The following ESCO2 variants were observed in gnomAD, a reference collection of about 807,000 sequenced individuals.
The protein encoded by ESCO2 is N-acetyltransferase ESCO2.
A neutral mutation model predicts 61.7 loss-of-function variants in ESCO2; 51 were observed. That is an observed-to-expected ratio of 0.83 (90% confidence interval 0.66 to 1.04). The LOEUF (loss-of-function observed/expected upper bound fraction) is 1.04, where lower values mean the gene tolerates loss of function less well. ESCO2 is among the 50% of genes least tolerant of loss of function. ESCO2 has a pLI of 0.00. For synonymous variants in ESCO2, 230 were observed against 238.2 expected (o/e 0.97, Z 0.32); for missense variants, 692 against 686.2 (o/e 1.01, Z -0.09).
At chr8:27,791,080 T>C (rs1050709534) in intron 7 of ESCO2, among the ~76,000 whole-genome samples, 1 of 152,068 alleles carries the variant, frequency 6.6e-6, no homozygotes, top group African/African-American at 2.4e-5. Context: ...ACTAATGCCA[T>C]TTTCTCTAGA....
downstream of ESCO2, chr8:27,810,403 G>A (rs1805651658): frequency 4.4e-6 from 7 of 1,605,052 alleles, no homozygotes. Flanking sequence ...ATTACTTTCT[G>A]GTATGATTCA....
intron 10 of ESCO2, 96 bp downstream of exon 10, chr8:27,799,812 T>C: frequency 7.2e-7 from 1 of 1,393,236 alleles, no homozygotes; most frequent in Non-Finnish European, 1.0e-6. Flanking sequence ...ATTGGTAAGA[T>C]ACTTCAGTAT....
At chr8:27,811,484 C>A, downstream of ESCO2, 1 of 369,044 alleles carries the variant, frequency 2.7e-6, no homozygotes, top group South Asian at 3.4e-5. Flanking sequence ...GAGCAGATCA[C>A]TTCTAGACCT....
chr8:27,778,349 G>A (rs1804846919), intron 3 of ESCO2: 1 of 151,940 alleles, frequency 6.6e-6, no homozygotes, highest in African/African-American at 2.4e-5. Flanking sequence ...TATCGAGTAT[G>A]GCCAAGTAGA....
At chr8:27,786,498 CA>C (rs1355525055) in intron 5 of ESCO2, among the ~76,000 whole-genome samples, 1 of 152,238 alleles carries the variant, frequency 6.6e-6, no homozygotes, top group African/African-American at 2.4e-5. Context: ...CAACAACCTG[CA>C]TTCATGATAA....
chr8:27,815,095 TGAAA>T (rs1480875813), downstream of ESCO2, among the ~76,000 whole-genome samples: 6 of 152,216 alleles, frequency 3.9e-5, no homozygotes, highest in Non-Finnish European at 7.3e-5. Flanking sequence ...GGCTGTTTAC[TGAAA>T]GAAATTTCTC....
At chr8:27,802,521 C>T (rs547717854) in intron 10 of ESCO2, among the ~76,000 whole-genome samples, 88 of 140,086 alleles carry the variant, frequency 6.3e-4, no homozygotes, top group South Asian at 1.3e-3. Context: ...GCAGGAGAAT[C>T]GCTTGAACCC....
downstream of ESCO2, among the ~76,000 whole-genome samples, chr8:27,808,751 C>T (rs1284332322): frequency 2.0e-5 from 3 of 149,858 alleles, no homozygotes; most frequent in Non-Finnish European, 4.4e-5. Flanking sequence ...AGGCAAATGT[C>T]CAAAAAGATA....
intron 9 of ESCO2, among the ~76,000 whole-genome samples, chr8:27,797,540 A>G (rs1338535015): frequency 6.6e-6 from 1 of 152,178 alleles, no homozygotes; most frequent in Non-Finnish European, 1.5e-5. Context: ...TGGCAAACAT[A>G]TTCTATTTAC....
In ESCO2 at chr8:27,789,080, A is replaced by G. The variant is rs1585401129; in HGVS notation, c.1263+102A>G. 9 of 1,430,360 alleles carry G rather than the reference A, an allele frequency of 6.3e-6. No individual in the cohort carries two copies. The East Asian group carries it at 1.4e-4, about 23-fold the overall frequency. 88.6% of individuals were successfully genotyped at this position (1,430,360 alleles called of 1,614,324 possible). On this transcript the variant is annotated intron_variant, in intron 7 of 10. Transcript: ENST00000305188. ...ACCCAGCCGGAAAAGTTAACTTTTA[A>G]TGATGATGTTTCAAGCTTACTATCT...
downstream of ESCO2, among the ~76,000 whole-genome samples, chr8:27,816,379 TTTAATTTA>T (rs1805814879): frequency 2.4e-5 from 1 of 41,732 alleles, no homozygotes; most frequent in African/African-American, 8.6e-5. Flanking sequence ...ATTTATTTAT[TTTAATTTA>T]TTTTTTTTTG....
At position 27,805,250 on chromosome 8, in the gene ESCO2, C is replaced by T. The variant is rs890821243; in HGVS notation, c.*1812C>T. Reference sequence around the variant, plus strand: ...GAGCCGAGATTGCGCCACTGCAGTCCGCAGTCCGGCCTGGGCGACAGAGCG... The same window carrying T: ...GAGCCGAGATTGCGCCACTGCAGTCTGCAGTCCGGCCTGGGCGACAGAGCG... On this transcript the variant is annotated 3_prime_UTR_variant, in exon 11 of 11. Coordinates refer to ENST00000305188, the MANE Select transcript of ESCO2 (RefSeq NM_001017420.3). The T allele has an allele frequency of 1.3e-4, 12 of 89,474 alleles. 2 individuals carry two copies. The highest frequency in any genetic ancestry group is 6.2e-4 in the East Asian group (1 of 1,624). 5.5% of individuals were successfully genotyped at this position (89,474 alleles called of 1,614,324 possible).
the ESCO2 span, among the ~76,000 whole-genome samples, chr8:27,819,479 G>T: frequency 2.6e-5 from 4 of 152,022 alleles, no homozygotes; most frequent in Non-Finnish European, 5.9e-5. Context: ...TTATTCGGAA[G>T]TGTTTTAAAT....
upstream of ESCO2, chr8:27,772,725 GT>G: frequency 1.7e-6 from 1 of 600,488 alleles, no homozygotes; most frequent in South Asian, 2.1e-5. Context: ...GCGAAGTGTA[GT>G]GGCAAGGAGT....
At chr8:27,789,633 T>C (rs1805129108) in intron 7 of ESCO2, among the ~76,000 whole-genome samples, 1 of 151,982 alleles carries the variant, frequency 6.6e-6, no homozygotes, top group Non-Finnish European at 1.5e-5. Context: ...TACAAAAAAT[T>C]AGCCAGGCGT....
chr8:27,809,305 A>G (rs952876278), downstream of ESCO2, among the ~76,000 whole-genome samples: 2 of 152,226 alleles, frequency 1.3e-5, no homozygotes, highest in Non-Finnish European at 2.9e-5. Context: ...TGCTTGGTAC[A>G]ATCTTATACC....
chr8:27,806,324 G>A (rs1805562700), downstream of ESCO2, among the ~76,000 whole-genome samples: 4 of 152,232 alleles, frequency 2.6e-5, no homozygotes, highest in South Asian at 6.2e-4. Context: ...CAATATATGT[G>A]TATGTCTATT....
intron 10 of ESCO2, among the ~76,000 whole-genome samples, chr8:27,801,565 C>T (rs547652314): frequency 2.4e-4 from 36 of 152,060 alleles, no homozygotes; most frequent in African/African-American, 7.7e-4. Flanking sequence ...TGAGGAATAC[C>T]AGTATCTAAC....
intron 9 of ESCO2, 34 bp from the exon 10 acceptor site, chr8:27,799,507 T>A: frequency 1.2e-6 from 2 of 1,609,636 alleles, no homozygotes; most frequent in South Asian, 2.2e-5. Context: ...TCATCTGTGG[T>A]GTTAGCTATA....
Sources: gnomAD v4.1 joint callset for allele counts (sites outside exome capture counted in the v4.1 genomes callset) on GRCh38, gnomAD v4.1.1 for gene constraint, MANE v1.5 for transcripts, NCBI Gene and HGNC (gene_info 2026-07-23, HGNC 2026-07-21) for gene names.